The following MAST4 variants were observed in gnomAD, a reference collection of about 807,000 sequenced individuals.
The protein encoded by MAST4 is microtubule associated serine/threonine kinase family member 4, also known as microtubule-associated serine/threonine-protein kinase 4.
Under a neutral mutation model 162.7 loss-of-function variants are expected in MAST4, and 89 were observed. The ratio of observed to expected loss-of-function variants is 0.55; its 90% CI spans 0.46 to 0.65. The LOEUF (loss-of-function observed/expected upper bound fraction) is 0.65, where lower values mean the gene tolerates loss of function less well. MAST4 is among the 30% of genes least tolerant of loss of function. The pLI is 0.00. For missense variants in MAST4, 3,153 were observed against 3,374.0 expected (o/e 0.93, Z 1.62); for synonymous variants, 1,479 against 1,361.1 (o/e 1.09, Z -1.91).
chr5:66,973,348 ATC>A (rs1747698332), intron 4 of MAST4, among the ~76,000 whole-genome samples: 2 of 151,214 alleles, frequency 1.3e-5, no homozygotes, highest in Non-Finnish European at 2.9e-5. Flanking sequence ...GAGTTGTTGT[ATC>A]TCTTTCTTTA....
At chr5:66,809,043 G>A (rs147629433) in intron 3 of MAST4, among the ~76,000 whole-genome samples, 167 of 152,226 alleles carry the variant, frequency 1.1e-3, no homozygotes, top group African/African-American at 3.9e-3. Flanking sequence ...TGGATCAGAG[G>A]GATCATTCCT....
intron 1 of MAST4, among the ~76,000 whole-genome samples, chr5:66,755,875 A>G (rs1246633337): frequency 6.6e-6 from 1 of 152,220 alleles, no homozygotes; most frequent in Non-Finnish European, 1.5e-5. Context: ...GATATGGCCA[A>G]GCCACAATGT....
chr5:67,142,711 T>C, intron 21 of MAST4, 178 bp downstream of exon 21: 1 of 528,434 alleles, frequency 1.9e-6, no homozygotes, highest in Non-Finnish European at 3.3e-6. Context: ...CCCTATCCCC[T>C]AGGCCTTTAG....
chr5:66,649,003 G>A (rs1746044182), intron 1 of MAST4, among the ~76,000 whole-genome samples: 1 of 152,106 alleles, frequency 6.6e-6, no homozygotes, highest in African/African-American at 2.4e-5. Flanking sequence ...ACCTTCAGAA[G>A]TATAAGTAAT....
intron 1 of MAST4, among the ~76,000 whole-genome samples, chr5:66,645,715 A>G (rs1745787946): frequency 6.6e-6 from 1 of 152,182 alleles, no homozygotes; most frequent in Non-Finnish European, 1.5e-5. Context: ...CCCTTTTATT[A>G]TTAAAAAAGT....
chr5:66,977,857 G>A (rs1034886014), intron 4 of MAST4, among the ~76,000 whole-genome samples: 1 of 152,180 alleles, frequency 6.6e-6, no homozygotes, highest in African/African-American at 2.4e-5. Context: ...GCATTCCAGT[G>A]GCATCTTAGA....
chr5:66,721,809 T>C (rs368839120), intron 1 of MAST4, among the ~76,000 whole-genome samples: 2 of 151,856 alleles, frequency 1.3e-5, no homozygotes, highest in African/African-American at 4.8e-5. Context: ...TCTGCTGGAC[T>C]CCTCCATCCC....
intron 1 of MAST4, among the ~76,000 whole-genome samples, chr5:66,670,338 A>G (rs1747529631): frequency 6.6e-6 from 1 of 152,182 alleles, no homozygotes; most frequent in Non-Finnish European, 1.5e-5. Flanking sequence ...TAAGAAACAT[A>G]TAATTAAAAT....
At chr5:66,732,363 C>A (rs1580318813) in intron 1 of MAST4, among the ~76,000 whole-genome samples, 1 of 152,124 alleles carries the variant, frequency 6.6e-6, no homozygotes, top group African/African-American at 2.4e-5. Context: ...ACCCACTTTT[C>A]AGGCTTCCCC....
chr5:67,020,759 TAATC>T (rs1753875363), intron 4 of MAST4, among the ~76,000 whole-genome samples: 1 of 152,174 alleles, frequency 6.6e-6, no homozygotes, highest in South Asian at 2.1e-4. Context: ...GTATGGAAAA[TAATC>T]AGCAAGCCTT....
chr5:66,652,285 T>G (rs1746277174), intron 1 of MAST4, among the ~76,000 whole-genome samples: 1 of 152,176 alleles, frequency 6.6e-6, no homozygotes, highest in African/African-American at 2.4e-5. Flanking sequence ...TCAAAGCAAA[T>G]GCTAGAATGT....
intron 1 of MAST4, chr5:66,738,397 T>C (rs79562421): frequency 0.016 from 2,513 of 152,342 alleles, 83 homozygotes; most frequent in African/African-American, 0.057. Flanking sequence ...GAGCACAATA[T>C]TATTGTATGC....
chr5:66,903,438 T>TTGTG (rs3042310), intron 4 of MAST4, among the ~76,000 whole-genome samples: 9,561 of 148,626 alleles, frequency 0.064, 311 homozygotes, highest in Middle Eastern at 0.092. Flanking sequence ...ACACCTGTGT[T>TTGTG]TGTGTGTGTG....
intron 4 of MAST4, among the ~76,000 whole-genome samples, chr5:67,048,701 T>C (rs937066848): frequency 6.6e-6 from 1 of 151,984 alleles, no homozygotes; most frequent in African/African-American, 2.4e-5. Flanking sequence ...TACATTATTA[T>C]GGATGGGAAT....
At chr5:66,609,701 T>TG (rs1743159218) in intron 1 of MAST4, among the ~76,000 whole-genome samples, 1 of 110,736 alleles carries the variant, frequency 9.0e-6, no homozygotes, top group South Asian at 3.4e-4. Flanking sequence ...GTTTTTTTTT[T>TG]TTTGTTTTTT....
At chr5:66,869,398 G>A (rs140181572) in intron 3 of MAST4, among the ~76,000 whole-genome samples, 96 of 152,210 alleles carry the variant, frequency 6.3e-4, no homozygotes, top group Middle Eastern at 3.4e-3. Flanking sequence ...GTGGGTCAAC[G>A]GATAGATTCT....
At chr5:67,102,386 C>A in intron 8 of MAST4, 150 bp from the exon 9 acceptor site, 1 of 731,704 alleles carries the variant, frequency 1.4e-6, no homozygotes, top group Non-Finnish European at 2.5e-6. Context: ...TGCATGTGTA[C>A]TAATGACTGA....
chr5:67,047,063 A>G (rs573362117), intron 4 of MAST4, among the ~76,000 whole-genome samples: 3 of 152,250 alleles, frequency 2.0e-5, no homozygotes, highest in Non-Finnish European at 4.4e-5. Context: ...GCACAGACTG[A>G]TGTAACACTT....
At chr5:66,955,591 A>T (rs1745214943) in intron 4 of MAST4, among the ~76,000 whole-genome samples, 1 of 152,166 alleles carries the variant, frequency 6.6e-6, no homozygotes, top group South Asian at 2.1e-4. Context: ...AATAAATAGT[A>T]ACCAAAGCCA....
Sources: gnomAD v4.1 joint callset for allele counts (sites outside exome capture counted in the v4.1 genomes callset) on GRCh38, gnomAD v4.1.1 for gene constraint, MANE v1.5 for transcripts, NCBI Gene and HGNC (gene_info 2026-07-23, HGNC 2026-07-21) for gene names.